The following PINX1 variants were observed in gnomAD, a reference collection of about 807,000 sequenced individuals.
PINX1 encodes PIN2/TERF1-interacting telomerase inhibitor 1.
Under a neutral mutation model 25.4 loss-of-function variants are expected in PINX1, and 34 were observed. The observed-to-expected ratio is 1.34, with a 90% CI of 1.02 to 1.78. The LOEUF (loss-of-function observed/expected upper bound fraction) is 1.78. PINX1 is among the 40% of genes most tolerant of loss of function. PINX1 has a pLI of 0.00. For missense variants in PINX1, 592 were observed against 404.9 expected (o/e 1.46, Z -3.97); for synonymous variants, 197 against 147.7 (o/e 1.33, Z -2.42).
chr8:10,790,372 C>A (rs1025892551), intron 6 of PINX1, among the ~76,000 whole-genome samples: 2 of 152,136 alleles, frequency 1.3e-5, no homozygotes, highest in African/African-American at 2.4e-5. Context: ...AGCATCAGGT[C>A]AGATGTGGAG....
At chr8:10,826,088 G>A in intron 5 of PINX1, 64 bp downstream of exon 5, 2 of 855,532 alleles carry the variant, frequency 2.3e-6, no homozygotes, top group Middle Eastern at 2.3e-4. Context: ...GAGCTAAAAT[G>A]CTTCAAGCAA....
intron 5 of PINX1, 49 bp from the exon 6 acceptor site, chr8:10,820,318 A>C: frequency 7.6e-6 from 10 of 1,323,624 alleles, no homozygotes; most frequent in Non-Finnish European, 1.1e-5. Context: ...TTCCTAAAAG[A>C]AAGAGCGCAG....
At chr8:10,823,266 T>G (rs930332462) in intron 5 of PINX1, among the ~76,000 whole-genome samples, 2 of 148,016 alleles carry the variant, frequency 1.4e-5, no homozygotes, top group Non-Finnish European at 3.0e-5. Flanking sequence ...TTTCCTTGTT[T>G]CAGTAGCATA....
chr8:10,811,811 C>T (rs1346036791), intron 6 of PINX1, among the ~76,000 whole-genome samples: 2 of 152,232 alleles, frequency 1.3e-5, no homozygotes, highest in East Asian at 1.9e-4. Flanking sequence ...TTCCAGCCAA[C>T]GAGGCCTCAG....
intron 6 of PINX1, among the ~76,000 whole-genome samples, chr8:10,789,737 G>T (rs914421671): frequency 6.6e-6 from 1 of 152,104 alleles, no homozygotes; most frequent in Non-Finnish European, 1.5e-5. Flanking sequence ...GTCCGTATCC[G>T]ATGACCCTGC....
intron 4 of PINX1, among the ~76,000 whole-genome samples, chr8:10,827,862 A>C (rs768770652): frequency 2.9e-4 from 44 of 150,418 alleles, no homozygotes; most frequent in Non-Finnish European, 5.5e-4. Flanking sequence ...AGCGAGCCGA[A>C]ATCACGCCAC....
chr8:10,832,023 C>T (rs147065127), intron 3 of PINX1, among the ~76,000 whole-genome samples: 72 of 152,314 alleles, frequency 4.7e-4, no homozygotes, highest in Admixed American at 8.5e-4. Flanking sequence ...AAATAATCAA[C>T]AGGCAACCTG....
At chr8:10,808,796 A>G (rs1055215437) in intron 6 of PINX1, among the ~76,000 whole-genome samples, 2 of 152,248 alleles carry the variant, frequency 1.3e-5, no homozygotes, top group African/African-American at 4.8e-5. Context: ...CCTATCTGAC[A>G]TGAATAAGTA....
At chr8:10,813,280 C>T (rs1055914993) in intron 6 of PINX1, among the ~76,000 whole-genome samples, 2 of 151,998 alleles carry the variant, frequency 1.3e-5, no homozygotes, top group Non-Finnish European at 2.9e-5. Flanking sequence ...TCCTATAAAC[C>T]CCTCTTGAAA....
intron 6 of PINX1, among the ~76,000 whole-genome samples, chr8:10,793,737 T>G (rs567019876): frequency 6.6e-6 from 1 of 151,688 alleles, no homozygotes; most frequent in South Asian, 2.1e-4. Context: ...AAAACAAAAG[T>G]ATAGTGAATT....
chr8:10,776,780 G>A (rs1801410639), intron 6 of PINX1, among the ~76,000 whole-genome samples: 2 of 152,150 alleles, frequency 1.3e-5, no homozygotes, highest in African/African-American at 2.4e-5. Context: ...TCGCCACCCT[G>A]CTCCCTTCAG....
At chr8:10,786,704 C>T (rs1029493708) in intron 6 of PINX1, among the ~76,000 whole-genome samples, 1 of 152,190 alleles carries the variant, frequency 6.6e-6, no homozygotes, top group African/African-American at 2.4e-5. Context: ...TCAGTGTATA[C>T]TGCAGGCCAA....
At chr8:10,783,485 C>T (rs1436429934) in intron 6 of PINX1, among the ~76,000 whole-genome samples, 1 of 152,164 alleles carries the variant, frequency 6.6e-6, no homozygotes, top group Non-Finnish European at 1.5e-5. Flanking sequence ...GCCTCTGAAC[C>T]TGCCAGTTGC....
intron 6 of PINX1, among the ~76,000 whole-genome samples, chr8:10,781,571 C>T (rs568626046): frequency 1.3e-5 from 2 of 152,284 alleles, no homozygotes; most frequent in Admixed American, 6.5e-5. Flanking sequence ...AGATGACATA[C>T]ACATGACCAA....
chr8:10,793,450 C>T (rs1046759487), intron 6 of PINX1, among the ~76,000 whole-genome samples: 1 of 152,072 alleles, frequency 6.6e-6, no homozygotes, highest in Non-Finnish European at 1.5e-5. Context: ...AGCTGATGTG[C>T]TATTTAAAAA....
chr8:10,772,670 G>C (rs554056124), intron 6 of PINX1, among the ~76,000 whole-genome samples: 2 of 152,350 alleles, frequency 1.3e-5, no homozygotes, highest in South Asian at 4.1e-4. Context: ...AGTATCACAA[G>C]AGTCAAAAAC....
intron 6 of PINX1, among the ~76,000 whole-genome samples, chr8:10,782,173 G>A (rs1278298704): frequency 6.6e-6 from 1 of 152,156 alleles, no homozygotes; most frequent in African/African-American, 2.4e-5. Context: ...GAGCAGGGTG[G>A]GGGATAGAAA....
At chr8:10,833,894 T>C (rs992395847) in intron 2 of PINX1, 1 of 155,400 alleles carries the variant, frequency 6.4e-6, no homozygotes, top group Admixed American at 6.5e-5. Context: ...AAAAATATAT[T>C]TGGGGGAATC....
intron 6 of PINX1, among the ~76,000 whole-genome samples, chr8:10,819,297 T>G (rs1337663165): frequency 6.6e-6 from 1 of 152,180 alleles, no homozygotes; most frequent in Non-Finnish European, 1.5e-5. Context: ...AAATAAAGAT[T>G]TCTGTCAGTC....
Sources: allele counts gnomAD v4.1 joint callset (sites outside exome capture counted in the v4.1 genomes callset), GRCh38; gene constraint gnomAD v4.1.1; transcripts MANE v1.5; gene names NCBI Gene and HGNC (gene_info 2026-07-23, HGNC 2026-07-21).